The following TRDN variants were observed in gnomAD, a reference collection of about 807,000 sequenced individuals.
TRDN encodes triadin in skeletal muscle.
In TRDN, 161 loss-of-function variants were observed where a neutral mutation model predicts 149.7. The ratio of observed to expected loss-of-function variants is 1.08; its 90% confidence interval spans 0.95 to 1.23. The LOEUF (loss-of-function observed/expected upper bound fraction) is 1.23, where lower values mean the gene tolerates loss of function less well. Among genes scored for constraint, TRDN ranks in the 50% most tolerant of loss-of-function variants. TRDN has a pLI of 0.00. For synonymous variants in TRDN, 294 were observed against 250.5 expected (o/e 1.17, Z -1.64); for missense variants, 896 against 823.5 (o/e 1.09, Z -1.08).
At chr6:123,378,574 C>G (rs188855459) in intron 16 of TRDN, among the ~76,000 whole-genome samples, 2 of 151,996 alleles carry the variant, frequency 1.3e-5, no homozygotes, top group Non-Finnish European at 2.9e-5. Context: ...ACCTCAGCCT[C>G]TCAAAGTGCT....
chr6:123,563,748 C>G (rs1425862979), intron 2 of TRDN, among the ~76,000 whole-genome samples: 1 of 152,152 alleles, frequency 6.6e-6, no homozygotes, highest in Non-Finnish European at 1.5e-5. Context: ...TTATTTAATA[C>G]ATATTTGTTT....
intron 7 of TRDN, among the ~76,000 whole-genome samples, chr6:123,507,940 A>G (rs1011531061): frequency 1.3e-5 from 2 of 152,126 alleles, no homozygotes; most frequent in African/African-American, 2.4e-5. Flanking sequence ...CTCTCATTCC[A>G]TAAAGAACTG....
chr6:123,630,099 C>T (rs995820148), intron 1 of TRDN, among the ~76,000 whole-genome samples: 2 of 151,902 alleles, frequency 1.3e-5, no homozygotes, highest in Non-Finnish European at 2.9e-5. Flanking sequence ...GCCTGAACTC[C>T]GTAAAGTCGA....
At chr6:123,433,855 A>C (rs1774441881) in intron 12 of TRDN, 1 of 152,172 alleles carries the variant, frequency 6.6e-6, no homozygotes, top group African/African-American at 2.4e-5. Flanking sequence ...TTGTGTGTCT[A>C]TATATTTTGC....
intron 24 of TRDN, among the ~76,000 whole-genome samples, chr6:123,293,072 A>G (rs1210509449): frequency 6.6e-6 from 1 of 152,132 alleles, no homozygotes; most frequent in Non-Finnish European, 1.5e-5. Flanking sequence ...TATTTCAACA[A>G]TTATTGCATC....
chr6:123,218,755 A>T lies in TRDN; in HGVS notation c.2051-15T>A. On this transcript the variant is annotated splice_polypyrimidine_tract_variant and intron_variant, in intron 40 of 40. Coordinates refer to ENST00000334268, the MANE Select transcript of TRDN (RefSeq NM_006073.4). Reference sequence around the variant, plus strand: ...ACTGATGGGACCTAAGGAACAGAGCATGACAGTTTGTTAAAACATGCAGAA... The same window carrying T: ...ACTGATGGGACCTAAGGAACAGAGCTTGACAGTTTGTTAAAACATGCAGAA... 1.9e-6 allele frequency: 3 copies of T among 1,555,482 alleles called. No individual in the cohort carries two copies. Among genetic ancestry groups the T allele is most frequent in the Non-Finnish European group, 1.7e-6 (2 of 1,147,886 alleles).
chr6:123,350,090 C>G (rs1780401165), intron 21 of TRDN: 1 of 977,826 alleles, frequency 1.0e-6, no homozygotes, highest in South Asian at 4.7e-5. Context: ...TCAACAGGCT[C>G]CAACTTTATA....
chr6:123,257,423 T>G lies in TRDN; in HGVS notation c.1871-1521A>C, dbSNP rs188344340. Among the ~76,000 whole-genome samples, 33 of 152,348 alleles carry G rather than the reference T, an allele frequency of 2.2e-4. No individual in the cohort carries two copies. The East Asian group carries it at 5.6e-3, about 26-fold the overall frequency. On this transcript the variant is annotated intron_variant, in intron 35 of 40. Transcript: ENST00000334268. ...CCTCACTTTCCCCATTGCTTGTTTTTGTCAGGTTTGTCAAAGATCAGATGG... is the reference window on the plus strand; with the variant it reads ...CCTCACTTTCCCCATTGCTTGTTTTGGTCAGGTTTGTCAAAGATCAGATGG...
At position 123,221,512 on chromosome 6, in the gene TRDN, T is replaced by A. The variant is rs1248215126; in HGVS notation, c.2025A>T (p.Glu675Asp). Residue 675 changes from glutamate to aspartate, a missense_variant, in exon 40 of 41, where the codon GAA (glutamate) becomes GAT (aspartate). Physicochemically the swap from Glu to Asp is conservative, Grantham distance 45 (BLOSUM62 2). Transcript: ENST00000334268. ...TTTTCTGCTTTGTGGGAGACACATC[T>A]TCAGTTCCTTCTAGTGGATAAAAAA... ...PASKKAKEGTEDVSPTKQKSP... is the reference protein window; with the variant it reads ...PASKKAKEGTDDVSPTKQKSP... 1 of 1,569,392 alleles carries A rather than the reference T, an allele frequency of 6.4e-7. No homozygotes were observed. Among genetic ancestry groups the A allele is most frequent in the Non-Finnish European group, 8.7e-7 (1 of 1,145,708 alleles).
chr6:123,260,736 C>G, intron 33 of TRDN, 98 bp from the exon 34 acceptor site: 2 of 991,462 alleles, frequency 2.0e-6, no homozygotes, highest in Non-Finnish European at 1.4e-6. Context: ...TGAAACTTAT[C>G]TTCTGATATT....
At chr6:123,257,121 T>G (rs2114581210) in intron 35 of TRDN, among the ~76,000 whole-genome samples, 1 of 151,868 alleles carries the variant, frequency 6.6e-6, no homozygotes, top group South Asian at 2.1e-4. Flanking sequence ...GCTGGACCAC[T>G]GGTGTGTGCC....
At position 123,556,656 on chromosome 6, in the gene TRDN, T is replaced by G. The variant is rs79305243; in HGVS notation, c.233-8044A>C. Among the ~76,000 whole-genome samples, 558 of 151,932 alleles carry G rather than the reference T, an allele frequency of 3.7e-3. 4 individuals carry two copies. Among genetic ancestry groups the G allele is most frequent in the African/African-American group, 0.013 (531 of 41,440 alleles). ...CTCTTCCTCTTCTTCTTCTTCCTCT[T>G]CCTCTTCTTCTTCTTTTCTCTCTCA... On this transcript the variant is annotated intron_variant, in intron 2 of 40. Transcript: ENST00000334268.
intron 1 of TRDN, among the ~76,000 whole-genome samples, chr6:123,614,806 A>G (rs1029709262): frequency 1.3e-5 from 2 of 152,162 alleles, no homozygotes; most frequent in African/African-American, 4.8e-5. Flanking sequence ...ATGGGATTAT[A>G]TCAAACTAAA....
At chr6:123,269,776 A>T in intron 31 of TRDN, 73 bp downstream of exon 31, 2 of 1,507,312 alleles carry the variant, frequency 1.3e-6, no homozygotes, top group Admixed American at 1.9e-5. Context: ...TTTTCTTAAA[A>T]AAACTAAGCA....
chr6:123,432,698 C>G (rs1774382490), intron 12 of TRDN, among the ~76,000 whole-genome samples: 1 of 152,122 alleles, frequency 6.6e-6, no homozygotes, highest in Non-Finnish European at 1.5e-5. Context: ...TCCAACCTGA[C>G]TTTATCTTTC....
intron 14 of TRDN, 101 bp downstream of exon 14, chr6:123,388,421 T>C: frequency 7.5e-7 from 1 of 1,324,704 alleles, no homozygotes; most frequent in Non-Finnish European, 1.1e-6. Context: ...TAGATCCAGT[T>C]ATCCAAGGGG....
chr6:123,381,433 A>G, intron 15 of TRDN, 43 bp from the exon 16 acceptor site: 1 of 1,527,702 alleles, frequency 6.5e-7, no homozygotes, highest in Non-Finnish European at 8.9e-7. Context: ...AAAACTTTAA[A>G]GATAAAACGT....
chr6:123,522,144 C>T (rs571809263), intron 5 of TRDN, among the ~76,000 whole-genome samples: 1 of 152,200 alleles, frequency 6.6e-6, no homozygotes, highest in South Asian at 2.1e-4. Context: ...TAAACTTCTC[C>T]ATTTCTGAGG....
At chr6:123,385,441 A>G (rs1378815915) in intron 14 of TRDN, among the ~76,000 whole-genome samples, 2 of 151,744 alleles carry the variant, frequency 1.3e-5, no homozygotes, top group African/African-American at 4.8e-5. Context: ...AAAAGAAAAA[A>G]AAAAACAGAA....
Sources: gnomAD v4.1 joint callset for allele counts (sites outside exome capture counted in the v4.1 genomes callset) on GRCh38, gnomAD v4.1.1 for gene constraint, MANE v1.5 for transcripts, NCBI Gene and HGNC (gene_info 2026-07-23, HGNC 2026-07-21) for gene names.